ADGRA3: variants seen among roughly 807,000 people sequenced by gnomAD.
ADGRA3 encodes adhesion G protein-coupled receptor A3.
A neutral mutation model predicts 119.8 loss-of-function variants in ADGRA3; 56 were observed. The ratio of observed to expected loss-of-function variants is 0.47; its 90% confidence interval spans 0.38 to 0.58. ADGRA3 has a LOEUF of 0.58. Ranked by LOEUF, ADGRA3 falls within the 20% of genes least tolerant of loss-of-function variation. The pLI is 0.00. For synonymous variants in ADGRA3, 607 were observed against 623.8 expected (o/e 0.97, Z 0.40); for missense variants, 1,516 against 1,649.0 (o/e 0.92, Z 1.40).
At chr4:22,411,673 T>C (rs1442865800) in intron 14 of ADGRA3, among the ~76,000 whole-genome samples, 1 of 152,186 alleles carries the variant, frequency 6.6e-6, no homozygotes, top group Admixed American at 6.6e-5. Flanking sequence ...GACTCATGCT[T>C]ACAGAAATCA....
At chr4:22,498,978 C>T (rs1288534371) in intron 1 of ADGRA3, among the ~76,000 whole-genome samples, 3 of 151,890 alleles carry the variant, frequency 2.0e-5, no homozygotes, top group East Asian at 1.9e-4. Flanking sequence ...CTCAAGATCC[C>T]AACACAGGCA....
At chr4:22,439,379 T>C (rs562972100) in intron 7 of ADGRA3, among the ~76,000 whole-genome samples, 10 of 152,322 alleles carry the variant, frequency 6.6e-5, no homozygotes, top group African/African-American at 2.4e-4. Context: ...AACCTATTAA[T>C]TAAGGAGCAA....
rs1257273082 is a variant in ADGRA3 at position 22,443,246 on chromosome 4, C to T, written c.707-383G>A. On this transcript the variant is annotated intron_variant, in intron 6 of 18. Coordinates refer to ENST00000334304, the MANE Select transcript of ADGRA3 (RefSeq NM_145290.4). The stretch of plus-strand genomic sequence containing the variant: ...GACTGCAATACCTTTGATTACAACA[C>T]GAGTTTTTGGCTGTAAAACTAATGC... 13 of 493,082 alleles carry T rather than the reference C, an allele frequency of 2.6e-5. 1 individual carries two copies. The highest frequency in any genetic ancestry group is 3.3e-5 in the East Asian group (1 of 30,192). The allele number at this position is 493,082 out of a possible 1,614,324, so 30.5% of individuals were successfully genotyped here. A position where few individuals can be genotyped will look rare whatever the true frequency, so the allele number is the denominator to read the frequency against.
At chr4:22,448,429 T>G (rs2012642) in intron 4 of ADGRA3, among the ~76,000 whole-genome samples, 149,893 of 152,264 alleles carry the variant, frequency 0.98, 73,835 homozygotes, top group East Asian at 1. Flanking sequence ...TCAAGAACAG[T>G]CAGAATTTAG....
At chr4:22,417,842 G>A (rs900106229) in intron 12 of ADGRA3, among the ~76,000 whole-genome samples, 3 of 152,142 alleles carry the variant, frequency 2.0e-5, no homozygotes, top group Admixed American at 6.5e-5. Context: ...GTGCAAAAAC[G>A]AAGGCAGGAA....
At position 22,401,609 on chromosome 4, in the gene ADGRA3, C is replaced by G. The variant is rs1316878432; in HGVS notation, c.2358-55G>C. The G allele has an allele frequency of 1.2e-5, 16 of 1,339,118 alleles. No homozygotes were observed. In the Admixed American group the frequency reaches 3.3e-4, roughly 27 times the overall value. 83.0% of individuals were successfully genotyped at this position (1,339,118 alleles called of 1,614,324 possible). A position where few individuals can be genotyped will look rare whatever the true frequency, so the allele number is the denominator to read the frequency against. On this transcript the variant is annotated intron_variant, in intron 15 of 18. Transcript: ENST00000334304. Reference sequence around the variant, plus strand: ...TTCAGGCTAGTACATAAGGAGAAAACTATGATGTTCATCTTAATTCCAACT... The same window carrying G: ...TTCAGGCTAGTACATAAGGAGAAAAGTATGATGTTCATCTTAATTCCAACT...
At chr4:22,485,517 T>G (rs1310572434) in intron 1 of ADGRA3, among the ~76,000 whole-genome samples, 1 of 152,176 alleles carries the variant, frequency 6.6e-6, no homozygotes, top group Non-Finnish European at 1.5e-5. Flanking sequence ...TTTTCCCCAG[T>G]GGTTCCATGG....
At chr4:22,477,421 A>G (rs1718088284) in intron 1 of ADGRA3, among the ~76,000 whole-genome samples, 1 of 152,234 alleles carries the variant, frequency 6.6e-6, no homozygotes, top group African/African-American at 2.4e-5. Context: ...TTAATTTTCT[A>G]TATTTAATTA....
intron 14 of ADGRA3, among the ~76,000 whole-genome samples, chr4:22,412,038 A>T (rs1715227428): frequency 6.6e-6 from 1 of 152,062 alleles, no homozygotes; most frequent in African/African-American, 2.4e-5. Context: ...GCTAAATGCT[A>T]TTTTTTTAAG....
At position 22,388,498 on chromosome 4, in the gene ADGRA3, A is replaced by T. The variant is rs1713949340; in HGVS notation, c.3173T>A (p.Ile1058Asn). ...VNREDVRLAW[I>N]MTCCPGRSSY... ...GCTCCGTCCTGGGCAGCAAGTCATG[A>T]TCCACGCAAGTCTAACATCCTCCCT... Residue 1058 changes from isoleucine to asparagine, a missense_variant, in exon 19 of 19, where the codon ATC becomes AAC. Around this residue, in one of 2 missense-constraint regions of ADGRA3, gnomAD observed 1,088 missense variants for 1,107.1 expected, o/e 0.98. Transcript: ENST00000334304. 1.2e-6 allele frequency: 2 copies of T among 1,614,096 alleles called. No individual in the cohort carries two copies. Among genetic ancestry groups the T allele is most frequent in the Non-Finnish European group, 1.7e-6 (2 of 1,179,994 alleles).
chr4:22,480,415 C>T (rs564410752), intron 1 of ADGRA3, among the ~76,000 whole-genome samples: 1 of 152,016 alleles, frequency 6.6e-6, no homozygotes, highest in Non-Finnish European at 1.5e-5. Flanking sequence ...GCTTAACTCC[C>T]GTAGTCCCAG....
chr4:22,510,389 C>T (rs1366802416), intron 1 of ADGRA3, among the ~76,000 whole-genome samples: 1 of 152,140 alleles, frequency 6.6e-6, no homozygotes, highest in African/African-American at 2.4e-5. Flanking sequence ...CCATTCCAGC[C>T]TTGACACATA....
At chr4:22,485,470 G>T (rs1160861302) in intron 1 of ADGRA3, among the ~76,000 whole-genome samples, 1 of 151,802 alleles carries the variant, frequency 6.6e-6, no homozygotes, top group African/African-American at 2.4e-5. Flanking sequence ...TCTGCTCTTG[G>T]ATCTGAGACT....
intron 10 of ADGRA3, 118 bp from the exon 11 acceptor site, chr4:22,424,470 C>A (rs1715851238): frequency 9.7e-7 from 1 of 1,032,808 alleles, no homozygotes; most frequent in East Asian, 2.4e-5. Context: ...CACATGAGAA[C>A]CCAACAGGCA....
intron 1 of ADGRA3, among the ~76,000 whole-genome samples, chr4:22,507,676 C>G (rs78698376): frequency 0.033 from 5,010 of 152,214 alleles, 253 homozygotes; most frequent in African/African-American, 0.11. Context: ...GATTTTGAGG[C>G]TGGGTGATAA....
intron 15 of ADGRA3, 96 bp downstream of exon 15, chr4:22,402,578 AG>A: frequency 8.0e-7 from 1 of 1,243,180 alleles, no homozygotes; most frequent in Non-Finnish European, 1.1e-6. Context: ...TTGGAAATAC[AG>A]GATGATAACA....
chr4:22,446,903 TG>T (rs112121838), intron 5 of ADGRA3, among the ~76,000 whole-genome samples: 4,916 of 151,788 alleles, frequency 0.032, 277 homozygotes, highest in African/African-American at 0.11. Context: ...TTAACAAAAC[TG>T]GGGGAAAAAA....
chr4:22,504,111 C>CTA (rs1719150606), intron 1 of ADGRA3, among the ~76,000 whole-genome samples: 2 of 152,104 alleles, frequency 1.3e-5, no homozygotes, highest in South Asian at 4.2e-4. Flanking sequence ...ATTTAGCCTT[C>CTA]TGTGTGTGTG....
In ADGRA3 at chr4:22,509,160, G is replaced by A. The variant is rs1291552657; in HGVS notation, c.257+6368C>T. Among the ~76,000 whole-genome samples the A allele has an allele frequency of 2.6e-5, 4 of 152,324 alleles. No individual in the cohort carries two copies. In the East Asian group the frequency reaches 7.8e-4, roughly 30 times the overall value. On this transcript the variant is annotated intron_variant, in intron 1 of 18. Coordinates refer to ENST00000334304, the MANE Select transcript of ADGRA3 (RefSeq NM_145290.4). ...GAGAGAGTTCAGTGCTGGCGGGCTG[G>A]ACAGGAGAACTGCATGCCCCAGCAG... is the stretch of plus-strand genomic sequence containing the variant.
Sources: gnomAD v4.1 joint callset for allele counts (sites outside exome capture counted in the v4.1 genomes callset) on GRCh38, gnomAD v4.1.1 for gene constraint, gnomAD v4.1.1 regional missense constraint, MANE v1.5 for transcripts, NCBI Gene and HGNC (gene_info 2026-07-23, HGNC 2026-07-21) for gene names.